GNG2: variants seen among roughly 807,000 people sequenced by gnomAD.
GNG2 encodes the protein guanine nucleotide-binding protein G(I)/G(S)/G(O) subunit gamma-2.
A neutral mutation model predicts 5.5 loss-of-function variants in GNG2; 5 were observed. That is an observed-to-expected ratio of 0.91 (90% CI 0.48 to 1.92). The LOEUF (loss-of-function observed/expected upper bound fraction) is 1.92, where lower values mean the gene tolerates loss of function less well. GNG2 is among the 30% of genes most tolerant of loss of function. The pLI, the probability that GNG2 is intolerant of heterozygous loss-of-function variation, is 0.01. For synonymous variants in GNG2, 28 were observed against 32.0 expected (o/e 0.88, Z 0.42); for missense variants, 55 against 88.4 (o/e 0.62, Z 1.52).
rs141832992 is a variant in GNG2, at chr14:51,868,615, G to A, written c.-71+7825G>A. Among the ~76,000 whole-genome samples, 1,102 of 152,304 alleles carry A rather than the reference G, an allele frequency of 7.2e-3. 5 individuals are homozygous for A. The highest frequency in any genetic ancestry group is 0.011 in the Non-Finnish European group (749 of 68,022). ...TTCAGCCATGTAAAGATATTGGGGC[G>A]AAGGGGGCTTGTGGAGAAGGTTTTG... On this transcript the variant is annotated intron_variant, in intron 1 of 3. Transcript: ENST00000556766.
intron 2 of GNG2, among the ~76,000 whole-genome samples, chr14:51,911,397 G>A (rs1477972332): frequency 6.6e-6 from 1 of 152,158 alleles, no homozygotes; most frequent in Non-Finnish European, 1.5e-5. Context: ...GGAAGCCACA[G>A]AGCTGAATGG....
intron 2 of GNG2, among the ~76,000 whole-genome samples, chr14:51,917,699 G>A (rs1886732450): frequency 6.6e-6 from 1 of 152,018 alleles, no homozygotes; most frequent in South Asian, 2.1e-4. Context: ...CTGAACTTTG[G>A]ATCATTTTCT....
intron 2 of GNG2, among the ~76,000 whole-genome samples, chr14:51,904,079 C>T (rs1275020588): frequency 6.6e-6 from 1 of 152,170 alleles, no homozygotes; most frequent in East Asian, 1.9e-4. Flanking sequence ...GACAGAATAA[C>T]ACTCAAATCA....
chr14:51,928,903 A>G (rs925148746), intron 2 of GNG2, among the ~76,000 whole-genome samples: 1 of 152,146 alleles, frequency 6.6e-6, no homozygotes, highest in Non-Finnish European at 1.5e-5. Context: ...CCTCCATACC[A>G]TCACAAGAAC....
rs574054199 is a variant in GNG2 at position 51,926,859 on chromosome 14, G to T, written c.-29-23791G>T. On this transcript the variant is annotated intron_variant, in intron 2 of 3. Coordinates refer to ENST00000556766, the MANE Select transcript of GNG2 (RefSeq NM_053064.5). Reference sequence around the variant, plus strand: ...TTCATGGTTGTGTGACAAGGACCCCGTTTTTAGCTGAACTAAGGAGAAAGC... The same window carrying T: ...TTCATGGTTGTGTGACAAGGACCCCTTTTTTAGCTGAACTAAGGAGAAAGC... Among the ~76,000 whole-genome samples, 235 of 152,242 alleles carry T rather than the reference G, an allele frequency of 1.5e-3. 2 individuals carry two copies. Among genetic ancestry groups the T allele is most frequent in the Middle Eastern group, 3.4e-3 (1 of 294 alleles).
intron 3 of GNG2, among the ~76,000 whole-genome samples, chr14:51,959,565 G>A (rs958104111): frequency 3.3e-5 from 5 of 151,978 alleles, no homozygotes; most frequent in Admixed American, 6.6e-5. Flanking sequence ...AATCCCTGTT[G>A]CCCTTCACTT....
chr14:51,909,265 T>C (rs1886146069), intron 2 of GNG2, among the ~76,000 whole-genome samples: 1 of 152,152 alleles, frequency 6.6e-6, no homozygotes, highest in Non-Finnish European at 1.5e-5. Flanking sequence ...AAAATATGAA[T>C]CGTGTTTGTG....
chr14:51,848,153 C>T (rs1352418644), intron 2 of GNG2, among the ~76,000 whole-genome samples: 1 of 151,984 alleles, frequency 6.6e-6, no homozygotes, highest in Non-Finnish European at 1.5e-5. Context: ...TCTTATAGCC[C>T]TAGTTTCAAA....
At chr14:51,839,033 A>G (rs936022584) in intron 2 of GNG2, among the ~76,000 whole-genome samples, 5 of 95,578 alleles carry the variant, frequency 5.2e-5, no homozygotes, top group Non-Finnish European at 1.1e-4. Context: ...TATTGTCATG[A>G]TTCCATGTAT....
intron 2 of GNG2, among the ~76,000 whole-genome samples, chr14:51,925,230 C>A (rs573714448): frequency 1.3e-5 from 2 of 152,084 alleles, no homozygotes; most frequent in Non-Finnish European, 2.9e-5. Context: ...ACTGTGTACC[C>A]CATGAATTAT....
chr14:51,839,999 A>G (rs574689148), intron 2 of GNG2, among the ~76,000 whole-genome samples: 1 of 152,316 alleles, frequency 6.6e-6, no homozygotes, highest in South Asian at 2.1e-4. Context: ...ACTGTCTTGC[A>G]ATAAGCATTA....
chr14:51,951,087 G>A (rs1363334160), intron 3 of GNG2, among the ~76,000 whole-genome samples: 2 of 152,106 alleles, frequency 1.3e-5, no homozygotes, highest in Non-Finnish European at 2.9e-5. Flanking sequence ...TGTCCTCATG[G>A]AAACGTTTTT....
intron 2 of GNG2, among the ~76,000 whole-genome samples, chr14:51,907,212 T>C (rs1885989248): frequency 6.6e-6 from 1 of 152,184 alleles, no homozygotes; most frequent in African/African-American, 2.4e-5. Context: ...GAGAAATTGG[T>C]TCCTTCCAGA....
chr14:51,874,438 A>C (rs1378874203), intron 1 of GNG2, among the ~76,000 whole-genome samples: 2 of 151,250 alleles, frequency 1.3e-5, no homozygotes, highest in East Asian at 1.9e-4. Context: ...AAAAAAAAAA[A>C]AAAACAGTCT....
chr14:51,899,822 G>A (rs183405057), intron 2 of GNG2, among the ~76,000 whole-genome samples: 129 of 152,244 alleles, frequency 8.5e-4, no homozygotes, highest in African/African-American at 2.9e-3. Flanking sequence ...TCATCCACAT[G>A]GTAGCATGTG....
chr14:51,857,024 A>AT (rs1171965910), upstream of GNG2, among the ~76,000 whole-genome samples: 1 of 152,210 alleles, frequency 6.6e-6, no homozygotes, highest in Non-Finnish European at 1.5e-5. Flanking sequence ...CCTTTTCATT[A>AT]TACAAACATC....
At chr14:51,834,436 A>G (rs1320565243) in intron 2 of GNG2, among the ~76,000 whole-genome samples, 1 of 152,196 alleles carries the variant, frequency 6.6e-6, no homozygotes, top group African/African-American at 2.4e-5. Flanking sequence ...GGTGACAGAA[A>G]ACAGAGCTTG....
intron 3 of GNG2, among the ~76,000 whole-genome samples, chr14:51,964,239 A>G (rs1261720293): frequency 1.3e-5 from 2 of 152,196 alleles, no homozygotes; most frequent in Non-Finnish European, 2.9e-5. Flanking sequence ...GAAGCATGGA[A>G]CAGATTCTCG....
At position 51,968,218 on chromosome 14, in the gene GNG2, A is replaced by G. The variant is rs1890031648; in HGVS notation, c.*1531A>G. 1 of 152,152 alleles carries G rather than the reference A, an allele frequency of 6.6e-6. No homozygotes were observed. The highest frequency in any genetic ancestry group is 2.1e-4 in the South Asian group (1 of 4,828). The allele number at this position is 152,152 out of a possible 1,614,324, so 9.4% of individuals were successfully genotyped here. A position where few individuals can be genotyped will look rare whatever the true frequency, so the allele number is the denominator to read the frequency against. Reference sequence around the variant, plus strand: ...CTCCATCAGTAACAGCAGGCCCTGGAAGACTTGATCACCTTTTTCTGTGTC... The same window carrying G: ...CTCCATCAGTAACAGCAGGCCCTGGGAGACTTGATCACCTTTTTCTGTGTC... On this transcript the variant is annotated 3_prime_UTR_variant, in exon 4 of 4. Coordinates refer to ENST00000556766, the MANE Select transcript of GNG2 (RefSeq NM_053064.5).
Sources: allele counts gnomAD v4.1 joint callset (sites outside exome capture counted in the v4.1 genomes callset), GRCh38; gene constraint gnomAD v4.1.1; transcripts MANE v1.5; gene names NCBI Gene and HGNC (gene_info 2026-07-23, HGNC 2026-07-21).